Variants in EXOC4 observed in about 807,000 individuals in gnomAD.
EXOC4 encodes SEC8-like 1.
A neutral mutation model predicts 107.2 loss-of-function variants in EXOC4; 71 were observed. That is an observed-to-expected ratio of 0.66 (90% CI 0.55 to 0.81). The LOEUF (loss-of-function observed/expected upper bound fraction) is 0.81. EXOC4 is among the 30% of genes least tolerant of loss of function. EXOC4 has a pLI of 0.00. For missense variants in EXOC4, 1,108 were observed against 1,189.6 expected (o/e 0.93, Z 1.01); for synonymous variants, 456 against 441.2 (o/e 1.03, Z -0.42).
At chr7:133,833,359 T>C (rs950067856) in intron 11 of EXOC4, among the ~76,000 whole-genome samples, 1 of 152,102 alleles carries the variant, frequency 6.6e-6, no homozygotes, top group Non-Finnish European at 1.5e-5. Flanking sequence ...TAGCAACAAG[T>C]CATTTTTTTC....
chr7:133,348,295 C>T (rs915812252), intron 5 of EXOC4, among the ~76,000 whole-genome samples: 2 of 152,080 alleles, frequency 1.3e-5, no homozygotes, highest in African/African-American at 4.8e-5. Context: ...TAGGAGATTT[C>T]AGGAGACAAA....
chr7:133,920,947 A>G (rs1799923310), intron 13 of EXOC4, among the ~76,000 whole-genome samples: 1 of 152,210 alleles, frequency 6.6e-6, no homozygotes, highest in Non-Finnish European at 1.5e-5. Flanking sequence ...CTGATGTATT[A>G]GTCAAGGTTT....
chr7:133,613,672 G>A (rs1802124393), intron 9 of EXOC4, among the ~76,000 whole-genome samples: 1 of 151,954 alleles, frequency 6.6e-6, no homozygotes, highest in Non-Finnish European at 1.5e-5. Flanking sequence ...GTGGTTTCTT[G>A]CCATATCAAG....
At chr7:133,326,031 C>T (rs371239060) in intron 5 of EXOC4, among the ~76,000 whole-genome samples, 6 of 152,208 alleles carry the variant, frequency 3.9e-5, no homozygotes, top group South Asian at 2.1e-4. Flanking sequence ...GCATTCGTCA[C>T]GTAGTTCTCA....
chr7:133,527,531 G>A (rs1800103544), intron 9 of EXOC4, among the ~76,000 whole-genome samples: 1 of 152,084 alleles, frequency 6.6e-6, no homozygotes, highest in African/African-American at 2.4e-5. Context: ...TCCAAACATG[G>A]GATCTTCCTA....
chr7:133,800,460 T>G (rs1195553004), intron 10 of EXOC4, among the ~76,000 whole-genome samples: 1 of 152,210 alleles, frequency 6.6e-6, no homozygotes, highest in Non-Finnish European at 1.5e-5. Context: ...TTTATGATGC[T>G]CTGAATGAAA....
intron 1 of EXOC4, 200 bp downstream of exon 1, chr7:133,253,387 G>A: frequency 7.4e-7 from 1 of 1,350,438 alleles, no homozygotes; most frequent in Non-Finnish European, 9.5e-7. Flanking sequence ...TAGCTATAGA[G>A]AGAGGAGCCC....
chr7:133,442,541 A>G lies in EXOC4; in HGVS notation c.1183-32787A>G, dbSNP rs926027537. Among the ~76,000 whole-genome samples the G allele has an allele frequency of 3.3e-5, 5 of 152,270 alleles. No homozygotes were observed. The South Asian group carries it at 1.0e-3, about 32-fold the overall frequency. ...TGAAACACCCTCGAGGCATGAAGTGATGCCTCAGGCTAGTGGGGATGGGGA... is the reference window on the plus strand; with the variant it reads ...TGAAACACCCTCGAGGCATGAAGTGGTGCCTCAGGCTAGTGGGGATGGGGA... On this transcript the variant is annotated intron_variant, in intron 7 of 17. Coordinates refer to ENST00000253861, the MANE Select transcript of EXOC4 (RefSeq NM_021807.4).
intron 10 of EXOC4, among the ~76,000 whole-genome samples, chr7:133,637,893 A>G (rs895908514): frequency 3.3e-5 from 5 of 152,192 alleles, no homozygotes; most frequent in South Asian, 2.1e-4. Context: ...GGGCGGTTTT[A>G]TACTACTGAA....
chr7:133,578,848 G>A (rs944310378), intron 9 of EXOC4, among the ~76,000 whole-genome samples: 1 of 152,116 alleles, frequency 6.6e-6, no homozygotes, highest in Admixed American at 6.5e-5. Context: ...GTTGAAATTA[G>A]TCTGGAATCA....
chr7:133,853,777 G>A (rs1021296171), intron 11 of EXOC4, among the ~76,000 whole-genome samples: 1 of 152,076 alleles, frequency 6.6e-6, no homozygotes, highest in African/African-American at 2.4e-5. Context: ...TGTCTCTATA[G>A]TGATCCTATT....
At chr7:133,710,285 G>T (rs1285148753) in intron 10 of EXOC4, among the ~76,000 whole-genome samples, 2 of 152,130 alleles carry the variant, frequency 1.3e-5, no homozygotes, top group Non-Finnish European at 2.9e-5. Context: ...GCCTGGGTCA[G>T]TGCATCCTTA....
intron 1 of EXOC4, among the ~76,000 whole-genome samples, chr7:133,265,711 G>C (rs549427484): frequency 1.6e-4 from 25 of 152,106 alleles, no homozygotes; most frequent in African/African-American, 5.8e-4. Context: ...ATTATTCCTG[G>C]AGGAGAAGTC....
At chr7:133,587,420 A>T (rs933454550) in intron 9 of EXOC4, among the ~76,000 whole-genome samples, 2 of 152,150 alleles carry the variant, frequency 1.3e-5, no homozygotes, top group Non-Finnish European at 2.9e-5. Context: ...TCATAATGAA[A>T]ACTGGAACTA....
At chr7:133,832,742 A>G (rs1214945761) in intron 11 of EXOC4, among the ~76,000 whole-genome samples, 1 of 152,204 alleles carries the variant, frequency 6.6e-6, no homozygotes, top group Non-Finnish European at 1.5e-5. Context: ...TAGAGTTATT[A>G]TGAATAAAGC....
chr7:133,591,590 G>T (rs1161154308), intron 9 of EXOC4, among the ~76,000 whole-genome samples: 1 of 141,550 alleles, frequency 7.1e-6, no homozygotes, highest in Non-Finnish European at 1.6e-5. Flanking sequence ...GTGTGTGTGT[G>T]TGTGTATTTT....
chr7:133,401,603 A>G (rs1320156173), intron 7 of EXOC4, among the ~76,000 whole-genome samples: 1 of 151,636 alleles, frequency 6.6e-6, no homozygotes, highest in Non-Finnish European at 1.5e-5. Context: ...TTAAGGCTGC[A>G]GTGAGCTATG....
intron 7 of EXOC4, among the ~76,000 whole-genome samples, chr7:133,441,912 C>T (rs1798114536): frequency 6.6e-6 from 1 of 152,192 alleles, no homozygotes; most frequent in South Asian, 2.1e-4. Flanking sequence ...GGTGCTTATT[C>T]CTGAGATGGG....
At chr7:133,629,875 G>A (rs558061553) in intron 9 of EXOC4, among the ~76,000 whole-genome samples, 170 bp from the exon 10 acceptor site, 2 of 152,198 alleles carry the variant, frequency 1.3e-5, no homozygotes, top group Non-Finnish European at 1.5e-5. Flanking sequence ...GTTTATTCAA[G>A]TGAGGAAGAC....
Sources: gnomAD v4.1 joint callset for allele counts (sites outside exome capture counted in the v4.1 genomes callset) on GRCh38, gnomAD v4.1.1 for gene constraint, MANE v1.5 for transcripts, NCBI Gene and HGNC (gene_info 2026-07-23, HGNC 2026-07-21) for gene names.